SLC9A9: variants seen among roughly 807,000 people sequenced by gnomAD.
The protein encoded by SLC9A9 is sodium/hydrogen exchanger 9.
Under a neutral mutation model 77.8 loss-of-function variants are expected in SLC9A9, and 62 were observed. The observed-to-expected ratio is 0.80, with a 90% CI of 0.65 to 0.98. The LOEUF (loss-of-function observed/expected upper bound fraction) is 0.98. Ranked by LOEUF, SLC9A9 falls within the 50% of genes least tolerant of loss-of-function variation. The pLI, the probability that SLC9A9 is intolerant of heterozygous loss-of-function variation, is 0.00. For synonymous variants in SLC9A9, 320 were observed against 283.5 expected, an observed-to-expected ratio of 1.13 and a Z score of -1.29; for missense variants, 775 against 774.9, an observed-to-expected ratio of 1.00 and a Z score of 0.00.
chr3:143,404,553 C>A (rs371610007), intron 12 of SLC9A9, among the ~76,000 whole-genome samples: 1 of 152,140 alleles, frequency 6.6e-6, no homozygotes, highest in Non-Finnish European at 1.5e-5. Context: ...TCTGTGCCCC[C>A]TCAAAAGCAG....
At chr3:143,371,902 T>C (rs1339395955) in intron 13 of SLC9A9, 4 of 288,090 alleles carry the variant, frequency 1.4e-5, no homozygotes, top group Middle Eastern at 1.2e-3. Flanking sequence ...CACAAATCAG[T>C]AGCACTGCTG....
intron 6 of SLC9A9, among the ~76,000 whole-genome samples, chr3:143,614,569 T>A (rs1217107247): frequency 1.3e-5 from 2 of 152,192 alleles, no homozygotes; most frequent in African/African-American, 4.8e-5. Flanking sequence ...GAAATTGCCC[T>A]CTGAATGTGC....
At chr3:143,379,876 T>C (rs2033264658) in intron 13 of SLC9A9, among the ~76,000 whole-genome samples, 1 of 152,236 alleles carries the variant, frequency 6.6e-6, no homozygotes, top group Non-Finnish European at 1.5e-5. Flanking sequence ...GACTATCTGC[T>C]CTTATTAATA....
chr3:143,344,637 T>C (rs958531460), intron 14 of SLC9A9: 3 of 152,250 alleles, frequency 2.0e-5, no homozygotes, highest in Non-Finnish European at 4.4e-5. Context: ...TTCTTTGCTG[T>C]TGCTTGCAGT....
chr3:143,779,778 A>T (rs916440290), intron 4 of SLC9A9, among the ~76,000 whole-genome samples: 33 of 152,242 alleles, frequency 2.2e-4, no homozygotes, highest in African/African-American at 8.0e-4. Flanking sequence ...CATTGTGAAG[A>T]GGGCAAAGAA....
intron 1 of SLC9A9, among the ~76,000 whole-genome samples, chr3:143,838,114 A>C (rs916805719): frequency 2.0e-5 from 3 of 152,238 alleles, no homozygotes; most frequent in Non-Finnish European, 4.4e-5. Context: ...GCATCTTAAC[A>C]GATAGAAAAG....
At chr3:143,835,100 A>G (rs930166684) in intron 1 of SLC9A9, among the ~76,000 whole-genome samples, 3 of 152,194 alleles carry the variant, frequency 2.0e-5, no homozygotes, top group African/African-American at 7.2e-5. Context: ...ACCACAGCCT[A>G]AAGATTTCCT....
intron 4 of SLC9A9, among the ~76,000 whole-genome samples, chr3:143,723,467 G>C (rs79546221): frequency 6.6e-6 from 1 of 152,096 alleles, no homozygotes; most frequent in South Asian, 2.1e-4. Flanking sequence ...ACACATCCCC[G>C]GGGAGTGGGG....
chr3:143,705,758 G>A (rs963167978), intron 4 of SLC9A9, among the ~76,000 whole-genome samples: 3 of 152,186 alleles, frequency 2.0e-5, no homozygotes, highest in African/African-American at 7.2e-5. Flanking sequence ...AACATTGAAG[G>A]ATGACTTTGT....
chr3:143,486,657 G>A (rs1723033), intron 11 of SLC9A9, among the ~76,000 whole-genome samples: 33,690 of 151,936 alleles, frequency 0.22, 4,792 homozygotes, highest in Non-Finnish European at 0.33. Flanking sequence ...GGACAGAGTT[G>A]TAAAGGAGGC....
chr3:143,822,687 T>TA (rs2009197770), intron 2 of SLC9A9, among the ~76,000 whole-genome samples: 1 of 152,240 alleles, frequency 6.6e-6, no homozygotes, highest in Non-Finnish European at 1.5e-5. Flanking sequence ...CCAGCAATGA[T>TA]AAATGTGCAC....
chr3:143,429,926 T>C (rs1008612337), intron 12 of SLC9A9, among the ~76,000 whole-genome samples: 1 of 152,176 alleles, frequency 6.6e-6, no homozygotes, highest in Non-Finnish European at 1.5e-5. Flanking sequence ...AATTTGTTAC[T>C]TTACAGATGA....
rs114804386 is a variant in SLC9A9 at position 143,504,845 on chromosome 3, A to C, written c.1090-9397T>G. 9.4e-3 allele frequency among the ~76,000 whole-genome samples: 1,432 copies of C among 152,318 alleles called. 27 individuals are homozygous for C. The highest frequency in any genetic ancestry group is 0.033 in the African/African-American group (1,369 of 41,574). On this transcript the variant is annotated intron_variant, in intron 9 of 15. Transcript: ENST00000316549. ...TAATACACTTGCATTAACACAATAAAGGGAAGAGGTCAGTTGTCCTGAGTT... is the reference window on the plus strand; with the variant it reads ...TAATACACTTGCATTAACACAATAACGGGAAGAGGTCAGTTGTCCTGAGTT...
rs6795604 is a variant in SLC9A9 at position 143,297,935 on chromosome 3, A to C, written c.1605-28955T>G. The stretch of plus-strand genomic sequence containing the variant: ...CTTGGAATCCTAGTAGTGACAAGTA[A>C]ATGGTAACCGTTGGGTTGGATGCAG... On this transcript the variant is annotated intron_variant, in intron 14 of 15. Transcript: ENST00000316549. 9.7e-3 allele frequency among the ~76,000 whole-genome samples: 1,475 copies of C among 152,294 alleles called. 30 individuals carry two copies. The highest frequency in any genetic ancestry group is 0.034 in the African/African-American group (1,400 of 41,552).
In SLC9A9 at chr3:143,389,041, C is replaced by T. The variant is rs143277504; in HGVS notation, c.1470-6927G>A. Reference sequence around the variant, plus strand: ...TCATAAATAGCTCTGTGTGGCTAGACTGTGAGGGTCATGAACACAGAGGTG... The same window carrying T: ...TCATAAATAGCTCTGTGTGGCTAGATTGTGAGGGTCATGAACACAGAGGTG... On this transcript the variant is annotated intron_variant, in intron 12 of 15. Transcript: ENST00000316549. 1.0e-3 allele frequency among the ~76,000 whole-genome samples: 154 copies of T among 152,272 alleles called. 1 individual carries two copies. Among genetic ancestry groups the T allele is most frequent in the Non-Finnish European group, 1.9e-3 (132 of 68,006 alleles).
At chr3:143,347,670 A>T (rs555388493) in intron 14 of SLC9A9, among the ~76,000 whole-genome samples, 53 of 152,300 alleles carry the variant, frequency 3.5e-4, no homozygotes, top group African/African-American at 1.2e-3. Flanking sequence ...TTGCTATAAC[A>T]AAAAGACCAC....
chr3:143,440,620 A>G (rs139730933), intron 12 of SLC9A9, among the ~76,000 whole-genome samples: 5 of 152,312 alleles, frequency 3.3e-5, no homozygotes, highest in African/African-American at 1.2e-4. Context: ...ATGAAGCTGT[A>G]TATGAGCCTG....
At chr3:143,613,798 A>AT (rs544115568) in intron 6 of SLC9A9, among the ~76,000 whole-genome samples, 42 of 151,688 alleles carry the variant, frequency 2.8e-4, no homozygotes, top group Non-Finnish European at 5.4e-4. Flanking sequence ...AATAATTATA[A>AT]TTTTTTATTC....
At chr3:143,288,785 A>G (rs1938451628) in intron 14 of SLC9A9, among the ~76,000 whole-genome samples, 1 of 152,228 alleles carries the variant, frequency 6.6e-6, no homozygotes, top group Non-Finnish European at 1.5e-5. Context: ...TAATATTAAT[A>G]AAACTTGAGG....
Sources: allele counts gnomAD v4.1 joint callset (sites outside exome capture counted in the v4.1 genomes callset), GRCh38; gene constraint gnomAD v4.1.1; transcripts MANE v1.5; gene names NCBI Gene and HGNC (gene_info 2026-07-23, HGNC 2026-07-21).